The following MGAT4C variants were observed in gnomAD, a reference collection of about 807,000 sequenced individuals.
The protein encoded by MGAT4C is alpha-1,3-mannosyl-glycoprotein 4-beta-N-acetylglucosaminyltransferase C.
Under a neutral mutation model 40.1 loss-of-function variants are expected in MGAT4C, and 19 were observed. That is an observed-to-expected ratio of 0.47 (90% CI 0.33 to 0.70). The LOEUF is 0.70. Among genes scored for constraint, MGAT4C ranks in the 30% least tolerant of loss-of-function variants. MGAT4C has a pLI of 0.02. For synonymous variants in MGAT4C, 181 were observed against 187.1 expected (o/e 0.97, Z 0.27); for missense variants, 491 against 563.2 (o/e 0.87, Z 1.30).
chr12:86,108,400 T>G (rs1222080639), intron 1 of MGAT4C, among the ~76,000 whole-genome samples: 1 of 152,170 alleles, frequency 6.6e-6, no homozygotes, highest in East Asian at 1.9e-4. Flanking sequence ...TTCTAACTCC[T>G]TAAGGCTTCT....
chr12:86,573,440 C>T lies in MGAT4C; in HGVS notation c.-228-138175G>A, dbSNP rs188675811. ...AGAGAAAGAAATTGAGTCCATTTTACTGACTAATCTTTTCATTTTATAAAC... is the reference window on the plus strand; with the variant it reads ...AGAGAAAGAAATTGAGTCCATTTTATTGACTAATCTTTTCATTTTATAAAC... On this transcript the variant is annotated intron_variant, in intron 2 of 7. Coordinates refer to the MGAT4C transcript ENST00000548651. 2.6e-5 allele frequency among the ~76,000 whole-genome samples: 4 copies of T among 152,116 alleles called. No homozygotes were observed. The East Asian group carries it at 7.7e-4, about 29-fold the overall frequency.
At chr12:86,819,410 G>GA (rs1202885270) in intron 1 of MGAT4C, among the ~76,000 whole-genome samples, 1 of 150,454 alleles carries the variant, frequency 6.6e-6, no homozygotes, top group East Asian at 1.9e-4. Flanking sequence ...ATGCAAAAAA[G>GA]AAAAAAACTA....
chr12:86,757,432 A>T (rs1185297798), intron 1 of MGAT4C, among the ~76,000 whole-genome samples: 1 of 152,192 alleles, frequency 6.6e-6, no homozygotes, highest in Non-Finnish European at 1.5e-5. Context: ...CATTGCATTA[A>T]ATAGCCTATG....
chr12:86,048,218 CAA>C (rs1335990632), intron 2 of MGAT4C, among the ~76,000 whole-genome samples: 1 of 152,018 alleles, frequency 6.6e-6, no homozygotes, highest in African/African-American at 2.4e-5. Context: ...AACAGAAAAC[CAA>C]ATACTCCGTG....
chr12:86,491,425 C>T (rs924028059), intron 2 of MGAT4C, among the ~76,000 whole-genome samples: 5 of 152,056 alleles, frequency 3.3e-5, no homozygotes, highest in African/African-American at 1.2e-4. Flanking sequence ...AATCCAGCAG[C>T]ACATCAAAAA....
intron 1 of MGAT4C, among the ~76,000 whole-genome samples, chr12:86,768,141 C>A (rs1449656842): frequency 6.6e-6 from 1 of 152,122 alleles, no homozygotes; most frequent in African/African-American, 2.4e-5. Flanking sequence ...CCAAAATCTC[C>A]TTAAGCTGAT....
chr12:86,469,918 A>C (rs2136302845), intron 2 of MGAT4C, among the ~76,000 whole-genome samples: 1 of 152,206 alleles, frequency 6.6e-6, no homozygotes, highest in Admixed American at 6.5e-5. Flanking sequence ...GTTTTTGTTT[A>C]GTTTAGTTTA....
In MGAT4C at chr12:86,295,964, G is replaced by C. The variant is rs1228006155; in HGVS notation, c.-57+38101C>G. ...GACTCTCCAAGGCCCCACCAGAGCA[G>C]CTAGATACAGAGTGTCAATTGGTGC... On this transcript the variant is annotated intron_variant, in intron 4 of 7. Coordinates refer to the MGAT4C transcript ENST00000548651. Among the ~76,000 whole-genome samples the C allele has an allele frequency of 2.7e-5, 4 of 147,082 alleles. 1 individual carries two copies.
chr12:86,133,107 C>T (rs1881472834), intron 1 of MGAT4C, among the ~76,000 whole-genome samples: 1 of 152,190 alleles, frequency 6.6e-6, no homozygotes, highest in Non-Finnish European at 1.5e-5. Context: ...TTGTTTCATA[C>T]CTATATTTGC....
intron 1 of MGAT4C, among the ~76,000 whole-genome samples, chr12:86,760,147 G>T (rs1480818239): frequency 2.0e-5 from 3 of 151,996 alleles, no homozygotes; most frequent in African/African-American, 7.2e-5. Flanking sequence ...TTTGACAAAG[G>T]TACCAAGCAC....
In MGAT4C at chr12:86,351,153, A is replaced by G. The variant is rs536050610; in HGVS notation, c.-119-17026T>C. On this transcript the variant is annotated intron_variant, in intron 3 of 7. Transcript: ENST00000548651. ...CTAAGCAGATCTCTGGCCTGGAAAA[A>G]TGAAGGTTTCTCTAGAGATGTACTA... 2.0e-5 allele frequency among the ~76,000 whole-genome samples: 3 copies of G among 152,086 alleles called. No homozygotes were observed. The East Asian group carries it at 5.8e-4, about 29-fold the overall frequency.
At position 86,191,102 on chromosome 12, in the gene MGAT4C, CA is replaced by C. The variant is rs1175448781; in HGVS notation, c.-57+65136del. On this transcript the variant is annotated intron_variant, in intron 1 of 4. Coordinates refer to ENST00000611864, the MANE Select transcript of MGAT4C (RefSeq NM_001351288.2). ...CTCTCTGCACACACACACACACACA[CA>C]CACACACACACACACACACACACAC... Among the ~76,000 whole-genome samples the C allele has an allele frequency of 3.4e-3, 502 of 145,706 alleles. 3 individuals are homozygous for C. Among genetic ancestry groups the C allele is most frequent in the Middle Eastern group, 0.01 (3 of 292 alleles).
chr12:86,648,857 C>A (rs556142164), intron 2 of MGAT4C, among the ~76,000 whole-genome samples: 1 of 151,752 alleles, frequency 6.6e-6, no homozygotes, highest in African/African-American at 2.4e-5. Flanking sequence ...CCTCAAAATT[C>A]GTATGTAATT....
chr12:86,204,232 T>C (rs1269434834), intron 1 of MGAT4C, among the ~76,000 whole-genome samples: 1 of 151,814 alleles, frequency 6.6e-6, no homozygotes, highest in East Asian at 1.9e-4. Context: ...AAAATTTTTC[T>C]TGATGAAATT....
At chr12:86,733,524 A>G (rs1006949096) in intron 1 of MGAT4C, among the ~76,000 whole-genome samples, 3 of 152,158 alleles carry the variant, frequency 2.0e-5, no homozygotes, top group Admixed American at 6.5e-5. Flanking sequence ...ACATTATAAC[A>G]AAGAGTAGTG....
intron 3 of MGAT4C, among the ~76,000 whole-genome samples, chr12:86,361,245 C>T (rs1244461528): frequency 2.6e-5 from 4 of 152,180 alleles, no homozygotes; most frequent in Non-Finnish European, 5.9e-5. Context: ...AAAGGGTTCC[C>T]TATTTAATAA....
chr12:86,102,058 A>T (rs1875187034), intron 1 of MGAT4C, among the ~76,000 whole-genome samples: 1 of 151,934 alleles, frequency 6.6e-6, no homozygotes, highest in Admixed American at 6.6e-5. Flanking sequence ...GAAATAAAAT[A>T]AATTATAAAT....
intron 2 of MGAT4C, among the ~76,000 whole-genome samples, chr12:86,002,662 A>G (rs1006498526): frequency 1.9e-4 from 29 of 149,654 alleles, no homozygotes; most frequent in African/African-American, 7.1e-4. Flanking sequence ...ATCCCATTCT[A>G]TGTATATACA....
intron 1 of MGAT4C, among the ~76,000 whole-genome samples, chr12:86,782,614 T>C (rs1002163522): frequency 6.6e-5 from 10 of 152,166 alleles, no homozygotes; most frequent in African/African-American, 1.9e-4. Flanking sequence ...CTGAATCATA[T>C]TCCCTCAAAG....
Sources: gnomAD v4.1 joint callset for allele counts (sites outside exome capture counted in the v4.1 genomes callset) on GRCh38, gnomAD v4.1.1 for gene constraint, MANE v1.5 for transcripts, NCBI Gene and HGNC (gene_info 2026-07-23, HGNC 2026-07-21) for gene names.